The following RXFP2 variants were observed in gnomAD, a reference collection of about 807,000 sequenced individuals.
RXFP2 encodes relaxin family peptide receptor 2, also known as relaxin receptor 2.
A neutral mutation model predicts 88.6 loss-of-function variants in RXFP2; 68 were observed. The ratio of observed to expected loss-of-function variants is 0.77; its 90% CI spans 0.63 to 0.94. The LOEUF is 0.94. Ranked by LOEUF, RXFP2 falls within the 40% of genes least tolerant of loss-of-function variation. The pLI is 0.00. For synonymous variants in RXFP2, 329 were observed against 306.8 expected, an observed-to-expected ratio of 1.07 and a Z score of -0.76; for missense variants, 791 against 893.9, an observed-to-expected ratio of 0.88 and a Z score of 1.47.
intron 11 of RXFP2, among the ~76,000 whole-genome samples, chr13:31,784,375 T>G (rs1873428272): frequency 6.6e-6 from 1 of 152,166 alleles, no homozygotes; most frequent in South Asian, 2.1e-4. Context: ...TGTCTTGAGT[T>G]TACAAATGTT....
intron 1 of RXFP2, among the ~76,000 whole-genome samples, chr13:31,747,181 T>G (rs1182567238): frequency 1.3e-5 from 2 of 152,188 alleles, no homozygotes; most frequent in Non-Finnish European, 2.9e-5. Flanking sequence ...ATTGTAAGTT[T>G]TGAAAAGAAT....
intron 1 of RXFP2, among the ~76,000 whole-genome samples, chr13:31,757,523 A>C (rs1872013604): frequency 6.6e-6 from 1 of 152,168 alleles, no homozygotes; most frequent in Non-Finnish European, 1.5e-5. Flanking sequence ...ATTTCTCTCT[A>C]ACTCATACTT....
intron 11 of RXFP2, among the ~76,000 whole-genome samples, chr13:31,785,402 A>C (rs571568952): frequency 6.6e-6 from 1 of 152,122 alleles, no homozygotes; most frequent in South Asian, 2.1e-4. Context: ...ATCATTTTTT[A>C]CACCCACCTG....
At chr13:31,796,270 C>T (rs974911183) in intron 16 of RXFP2, among the ~76,000 whole-genome samples, 3 of 150,852 alleles carry the variant, frequency 2.0e-5, no homozygotes, top group African/African-American at 4.8e-5. Context: ...AGGATGGTCT[C>T]GATCTCCTGA....
chr13:31,779,352 C>T (rs1317256535), intron 9 of RXFP2, among the ~76,000 whole-genome samples: 1 of 152,094 alleles, frequency 6.6e-6, no homozygotes, highest in East Asian at 1.9e-4. Context: ...TCTTCAACCC[C>T]TGACCTCAGG....
intron 1 of RXFP2, among the ~76,000 whole-genome samples, chr13:31,743,821 A>AGCTCTCTT (rs750888227): frequency 4.6e-5 from 7 of 151,442 alleles, no homozygotes; most frequent in Non-Finnish European, 7.4e-5. Flanking sequence ...CCTGCTCTTC[A>AGCTCTCTT]GCTCTCTTGC....
At chr13:31,764,242 T>TACAC (rs1872439985) in intron 3 of RXFP2, among the ~76,000 whole-genome samples, 1 of 83,834 alleles carries the variant, frequency 1.2e-5, no homozygotes, top group Non-Finnish European at 2.7e-5. Context: ...CTCTCTCTCT[T>TACAC]TCACACACAC....
At position 31,778,584 on chromosome 13, in the gene RXFP2, G is replaced by T. The variant is rs1566229232; in HGVS notation, c.785+1G>T. 1 of 1,597,508 alleles carries T rather than the reference G, an allele frequency of 6.3e-7. No homozygotes were observed. Among genetic ancestry groups the T allele is most frequent in the East Asian group, 2.2e-5 (1 of 44,780 alleles). On this transcript the variant is annotated splice_donor_variant, in intron 9 of 17. Transcript: ENST00000298386. LOFTEE classifies it high-confidence loss of function. ...CCCAAATGCCTCAACTCAACTGGGT[G>T]TGAGTATTTATTTAGGAATTAATTT...
intron 17 of RXFP2, 129 bp downstream of exon 17, chr13:31,797,548 G>A (rs1440902307): frequency 3.4e-5 from 25 of 733,672 alleles, no homozygotes; most frequent in Non-Finnish European, 5.9e-5. Context: ...TTCCCTCCAT[G>A]TTTTATAATC....
At chr13:31,795,654 C>T (rs1042535852) in intron 16 of RXFP2, among the ~76,000 whole-genome samples, 3 of 152,156 alleles carry the variant, frequency 2.0e-5, no homozygotes, top group African/African-American at 7.2e-5. Context: ...AATAACAGAT[C>T]ACCTTGAATT....
chr13:31,768,776 C>T (rs1461878905), intron 5 of RXFP2, among the ~76,000 whole-genome samples: 1 of 152,196 alleles, frequency 6.6e-6, no homozygotes, highest in African/African-American at 2.4e-5. Context: ...CCACATTCCT[C>T]AACTCCTCCT....
intron 1 of RXFP2, among the ~76,000 whole-genome samples, chr13:31,757,485 A>G (rs1213362562): frequency 6.6e-6 from 1 of 152,232 alleles, no homozygotes; most frequent in Non-Finnish European, 1.5e-5. Flanking sequence ...GTTCAATTCT[A>G]GTTCCCCTCT....
chr13:31,751,324 C>A (rs1871664404), intron 1 of RXFP2, among the ~76,000 whole-genome samples: 1 of 151,606 alleles, frequency 6.6e-6, no homozygotes, highest in African/African-American at 2.4e-5. Flanking sequence ...TATATATACA[C>A]AATATAGGAA....
chr13:31,739,740 C>A, intron 1 of RXFP2, 34 bp downstream of exon 1: 1 of 1,288,116 alleles, frequency 7.8e-7, no homozygotes, highest in Non-Finnish European at 1.1e-6. Flanking sequence ...TAAATGAGTG[C>A]AATTCCCAAA....
Position 31,775,826 on chromosome 13 carries a change from C to T in RXFP2, c.641+437C>T, listed in dbSNP as rs142625904. 7.1e-3 allele frequency among the ~76,000 whole-genome samples: 1,078 copies of T among 152,366 alleles called. 8 individuals carry two copies. The highest frequency in any genetic ancestry group is 0.025 in the African/African-American group (1,029 of 41,588). On this transcript the variant is annotated intron_variant, in intron 7 of 17. Transcript: ENST00000298386. ...TTGTAGTATTTCACCACTTTCCAGACTGAGCCACCAGCTCCGTTCCAAGAA... is the reference window on the plus strand; with the variant it reads ...TTGTAGTATTTCACCACTTTCCAGATTGAGCCACCAGCTCCGTTCCAAGAA...
Position 31,802,282 on chromosome 13 carries a change from T to A in RXFP2, c.2142T>A (p.Ile714=). The A allele has an allele frequency of 6.2e-7, 1 of 1,613,826 alleles. No individual in the cohort carries two copies. Residue 714 remains isoleucine (I), a synonymous_variant, in exon 18 of 18, where the codon ATT becomes ATA. Coordinates refer to ENST00000298386, the MANE Select transcript of RXFP2 (RefSeq NM_130806.5). ...TGCACAAACATCAGAGGAAATCAAT[T>A]TTCAAAATTAAAAAAAAAAGTTTAT... ...QLLHKHQRKS[I]FKIKKKSLST... is the part of the protein sequence containing the mutation.
At chr13:31,745,456 G>T (rs1028740520) in intron 1 of RXFP2, among the ~76,000 whole-genome samples, 2 of 152,042 alleles carry the variant, frequency 1.3e-5, no homozygotes, top group Non-Finnish European at 2.9e-5. Flanking sequence ...CACAATCTTG[G>T]GCGATCAGAG....
At chr13:31,787,213 GTTGT>G (rs1437621804) in intron 13 of RXFP2, among the ~76,000 whole-genome samples, 1 of 152,198 alleles carries the variant, frequency 6.6e-6, no homozygotes, top group East Asian at 1.9e-4. Context: ...CTGGCTAAAG[GTTGT>G]TTGTTTTCAC....
intron 14 of RXFP2, among the ~76,000 whole-genome samples, chr13:31,791,151 C>A (rs571334362): frequency 6.6e-6 from 1 of 152,222 alleles, no homozygotes; most frequent in South Asian, 2.1e-4. Flanking sequence ...GATGACCTCA[C>A]CCATTCCAGC....
Sources: allele counts gnomAD v4.1 joint callset (sites outside exome capture counted in the v4.1 genomes callset), GRCh38; gene constraint gnomAD v4.1.1; transcripts MANE v1.5; gene names NCBI Gene and HGNC (gene_info 2026-07-23, HGNC 2026-07-21).